The following PHIP variants were observed in gnomAD, a reference collection of about 807,000 sequenced individuals.
PHIP encodes the protein PHIP subunit of CUL4-Ring ligase complex.
PHIP carries 54 observed loss-of-function variants against 236.8 expected under a neutral mutation model. The ratio of observed to expected loss-of-function variants is 0.23; its 90% CI spans 0.18 to 0.29. The LOEUF (loss-of-function observed/expected upper bound fraction) is 0.29. Ranked by LOEUF, PHIP falls within the 10% of genes least tolerant of loss-of-function variation. The pLI, the probability that PHIP is intolerant of heterozygous loss-of-function variation, is 1.00. For missense variants in PHIP, 1,370 were observed against 2,190.8 expected, an observed-to-expected ratio of 0.63 and a Z score of 7.48; for synonymous variants, 756 against 718.9, an observed-to-expected ratio of 1.05 and a Z score of -0.83.
At chr6:78,991,066 G>A in intron 19 of PHIP, 81 bp from the exon 20 acceptor site, 1 of 758,998 alleles carries the variant, frequency 1.3e-6, no homozygotes, top group Non-Finnish European at 2.2e-6. Flanking sequence ...TATCAGGAAA[G>A]GAACGCTACT....
At chr6:78,948,520 C>T (rs1333272553) in intron 35 of PHIP, among the ~76,000 whole-genome samples, 1 of 152,008 alleles carries the variant, frequency 6.6e-6, no homozygotes, top group Non-Finnish European at 1.5e-5. Flanking sequence ...TTGGGAGACA[C>T]AGTCTTGCTG....
At chr6:79,054,132 A>G (rs1772944729) in intron 6 of PHIP, among the ~76,000 whole-genome samples, 1 of 151,774 alleles carries the variant, frequency 6.6e-6, no homozygotes, top group Non-Finnish European at 1.5e-5. Context: ...AAAAAATGCT[A>G]ATACACCTTG....
chr6:79,029,162 C>G (rs908881741), intron 7 of PHIP, among the ~76,000 whole-genome samples: 1 of 152,112 alleles, frequency 6.6e-6, no homozygotes, highest in Admixed American at 6.5e-5. Context: ...ATCAAATTGC[C>G]AGAGAGAGAA....
In PHIP at chr6:78,963,079, G is replaced by A. The variant is rs766679840; in HGVS notation, c.3535+18C>T. 136 of 1,558,560 alleles carry A rather than the reference G, an allele frequency of 8.7e-5. 5 individuals carry two copies. The South Asian group carries it at 1.1e-3, about 13-fold the overall frequency. On this transcript the variant is annotated intron_variant, in intron 30 of 39. Transcript: ENST00000275034. ...TGTTCTGCCAGTTTTTTCTATACTCGCGTGTTGCTTTACTTACCTAGTGTC... is the reference window on the plus strand; with the variant it reads ...TGTTCTGCCAGTTTTTTCTATACTCACGTGTTGCTTTACTTACCTAGTGTC...
At chr6:79,004,174 T>C (rs1437951210) in intron 15 of PHIP, among the ~76,000 whole-genome samples, 1 of 152,096 alleles carries the variant, frequency 6.6e-6, no homozygotes, top group Non-Finnish European at 1.5e-5. Flanking sequence ...ACTCCATCTA[T>C]CTCCGTTCAA....
At chr6:79,077,567 C>T (rs1328693583) in intron 3 of PHIP, 60 bp from the exon 4 acceptor site, 15 of 1,012,510 alleles carry the variant, frequency 1.5e-5, no homozygotes, top group Non-Finnish European at 1.8e-5. Flanking sequence ...CGCTCCCCTC[C>T]CCCGCCCGCC....
In PHIP at chr6:78,961,757, A is replaced by G; in HGVS notation, c.3589T>C (p.Cys1197Arg). ...PVDLQAYPMY[C>R]TVVAYPTDLS... Reference sequence around the variant, plus strand: ...TCCGTTGGATATGCCACTACTGTGCAATACATGGGATAGGCTTGCAGATCC... The same window carrying G: ...TCCGTTGGATATGCCACTACTGTGCGATACATGGGATAGGCTTGCAGATCC... The change falls in exon 31 of 40, where the codon TGC becomes CGC. Residue 1197 changes from cysteine to arginine, a missense_variant. Around this residue, in one of 14 missense-constraint regions of PHIP, gnomAD observed 238 missense variants for 398.5 expected, o/e 0.60. Coordinates refer to ENST00000275034, the MANE Select transcript of PHIP (RefSeq NM_017934.7). 2 of 1,612,170 alleles carry G rather than the reference A, an allele frequency of 1.2e-6. No homozygotes were observed. Among genetic ancestry groups the G allele is most frequent in the Non-Finnish European group, 1.7e-6 (2 of 1,178,436 alleles).
rs9343859 is a variant in PHIP at position 78,982,682 on chromosome 6, A to C, written c.2769+204T>G. Among the ~76,000 whole-genome samples, 40,328 of 151,954 alleles carry C rather than the reference A, an allele frequency of 0.27. 5,673 individuals are homozygous for C. Among genetic ancestry groups the C allele is most frequent in the Non-Finnish European group, 0.31 (20,831 of 67,888 alleles). Reference sequence around the variant, plus strand: ...TTAGAATATGGCAATTTTGTAAGTAAATACTTTTACATGTTAAATATCTAA... The same window carrying C: ...TTAGAATATGGCAATTTTGTAAGTACATACTTTTACATGTTAAATATCTAA... On this transcript the variant is annotated intron_variant, in intron 23 of 39. Coordinates refer to ENST00000275034, the MANE Select transcript of PHIP (RefSeq NM_017934.7).
intron 12 of PHIP, among the ~76,000 whole-genome samples, chr6:79,017,023 T>C (rs1298438933): frequency 6.6e-6 from 1 of 151,988 alleles, no homozygotes; most frequent in East Asian, 1.9e-4. Flanking sequence ...ATATCATCAA[T>C]AAACAGGTCT....
intron 4 of PHIP, among the ~76,000 whole-genome samples, chr6:79,074,454 T>C (rs1774052817): frequency 6.6e-6 from 1 of 152,054 alleles, no homozygotes; most frequent in South Asian, 2.1e-4. Flanking sequence ...AAGCTTTCCT[T>C]TCGTCCAAAA....
At chr6:78,945,527 A>T (rs778334586) in intron 38 of PHIP, 30 bp from the exon 39 acceptor site, 1 of 1,368,542 alleles carries the variant, frequency 7.3e-7, no homozygotes, top group East Asian at 2.4e-5. Flanking sequence ...TTTAAAAATT[A>T]AGAGTTATTG....
chr6:79,057,624 G>T lies in PHIP; in HGVS notation c.439+2854C>A, dbSNP rs1394663221. 2.0e-5 allele frequency among the ~76,000 whole-genome samples: 3 copies of T among 151,938 alleles called. No homozygotes were observed. The South Asian group carries it at 6.2e-4, about 32-fold the overall frequency. ...ATCTTAAGAAAAGCTAAAATATCAAGAATTTTTTCTTACCTCCACTGATAC... is the reference window on the plus strand; with the variant it reads ...ATCTTAAGAAAAGCTAAAATATCAATAATTTTTTCTTACCTCCACTGATAC... On this transcript the variant is annotated intron_variant, in intron 6 of 39. Coordinates refer to ENST00000275034, the MANE Select transcript of PHIP (RefSeq NM_017934.7).
rs370407399 is a variant in PHIP at position 78,947,602 on chromosome 6, G to T, written c.4206+21C>A. 7.4e-6 allele frequency: 9 copies of T among 1,215,370 alleles called. No individual in the cohort carries two copies. The South Asian group carries it at 9.9e-5, about 13-fold the overall frequency. The allele number at this position is 1,215,370 out of a possible 1,614,324, so 75.3% of individuals were successfully genotyped here. On this transcript the variant is annotated intron_variant, in intron 36 of 39. Coordinates refer to ENST00000275034, the MANE Select transcript of PHIP (RefSeq NM_017934.7). ...CCTCTAACTTAATCTAGTCATAAAAGAAAATAATGTAATTATATACCCTTG... is the reference window on the plus strand; with the variant it reads ...CCTCTAACTTAATCTAGTCATAAAATAAAATAATGTAATTATATACCCTTG...
intron 20 of PHIP, among the ~76,000 whole-genome samples, chr6:78,989,484 A>C (rs1769077625): frequency 6.6e-6 from 1 of 152,196 alleles, no homozygotes; most frequent in African/African-American, 2.4e-5. Flanking sequence ...TTGTCTTAGA[A>C]AAAAACAAAG....
chr6:79,064,955 A>G (rs1032179507), intron 4 of PHIP, among the ~76,000 whole-genome samples: 16 of 152,276 alleles, frequency 1.1e-4, no homozygotes, highest in East Asian at 3.9e-4. Context: ...ATTCCCCACT[A>G]AAGTGTTCCC....
At chr6:78,996,849 A>G (rs1769646799) in intron 19 of PHIP, among the ~76,000 whole-genome samples, 1 of 152,158 alleles carries the variant, frequency 6.6e-6, no homozygotes, top group Non-Finnish European at 1.5e-5. Context: ...GGCCTCATTC[A>G]TGAGTATTTC....
At chr6:79,068,890 A>G (rs1334398109) in intron 4 of PHIP, among the ~76,000 whole-genome samples, 1 of 152,148 alleles carries the variant, frequency 6.6e-6, no homozygotes, top group Non-Finnish European at 1.5e-5. Context: ...TTATGAAAAT[A>G]AGACCCTGCT....
intron 7 of PHIP, among the ~76,000 whole-genome samples, chr6:79,027,028 T>C (rs941494744): frequency 6.6e-6 from 1 of 152,090 alleles, no homozygotes; most frequent in Admixed American, 6.6e-5. Context: ...ACAGTTTTAC[T>C]AAGGGTTCAT....
intron 7 of PHIP, among the ~76,000 whole-genome samples, chr6:79,036,921 C>CAA (rs34875528): frequency 0.041 from 1,544 of 38,106 alleles, 115 homozygotes; most frequent in Non-Finnish European, 0.046. Flanking sequence ...GACTCCGTCT[C>CAA]AAAAAAAAAA....
Sources: allele counts gnomAD v4.1 joint callset (sites outside exome capture counted in the v4.1 genomes callset), GRCh38; gene constraint gnomAD v4.1.1; regional missense constraint gnomAD v4.1.1; transcripts MANE v1.5; gene names NCBI Gene and HGNC (gene_info 2026-07-23, HGNC 2026-07-21).